The following SCFD2 variants were observed in gnomAD, a reference collection of about 807,000 sequenced individuals.
SCFD2 encodes sec1 family domain containing 2.
In SCFD2, 54 loss-of-function variants were observed where a neutral mutation model predicts 58.9. The observed-to-expected ratio is 0.92, with a 90% CI of 0.74 to 1.15. The LOEUF is 1.15. SCFD2 is among the 50% of genes most tolerant of loss of function. SCFD2 has a pLI of 0.00. For missense variants in SCFD2, 805 were observed against 836.6 expected (o/e 0.96, Z 0.47); for synonymous variants, 321 against 335.9 (o/e 0.96, Z 0.49).
chr4:52,952,165 C>A (rs1332902636), intron 5 of SCFD2, among the ~76,000 whole-genome samples: 1 of 151,274 alleles, frequency 6.6e-6, no homozygotes, highest in Non-Finnish European at 1.5e-5. Context: ...TCTACTTTCT[C>A]TCTGTTCGTC....
intron 5 of SCFD2, among the ~76,000 whole-genome samples, chr4:52,941,286 A>G (rs934580524): frequency 2.0e-5 from 3 of 152,224 alleles, no homozygotes; most frequent in African/African-American, 4.8e-5. Flanking sequence ...CTAGCTGAGG[A>G]GACAGATAAT....
At chr4:53,052,456 C>A (rs1371068616) in intron 5 of SCFD2, among the ~76,000 whole-genome samples, 5 of 152,182 alleles carry the variant, frequency 3.3e-5, no homozygotes, top group African/African-American at 9.6e-5. Context: ...AACAATCATT[C>A]ATTCACTGAT....
intron 4 of SCFD2, among the ~76,000 whole-genome samples, chr4:53,160,980 TA>T (rs1400664404): frequency 6.6e-6 from 1 of 152,166 alleles, no homozygotes; most frequent in Non-Finnish European, 1.5e-5. Flanking sequence ...GAATATTACA[TA>T]ACAATGAGAA....
chr4:53,236,253 G>A (rs1366501574), intron 4 of SCFD2, among the ~76,000 whole-genome samples: 1 of 152,060 alleles, frequency 6.6e-6, no homozygotes, highest in African/African-American at 2.4e-5. Flanking sequence ...TCTTGCCCTC[G>A]AACATCGAAC....
intron 6 of SCFD2, among the ~76,000 whole-genome samples, chr4:52,912,041 CTT>C (rs372332733): frequency 1.3e-5 from 2 of 151,224 alleles, no homozygotes; most frequent in Non-Finnish European, 1.5e-5. Flanking sequence ...AATTACCTTT[CTT>C]TTTTTTTCAA....
At chr4:52,986,230 T>G (rs543352972) in intron 5 of SCFD2, among the ~76,000 whole-genome samples, 1 of 5,722 alleles carries the variant, frequency 1.7e-4, no homozygotes, top group African/African-American at 3.0e-4. Flanking sequence ...AAGGGTAAAG[T>G]TTTTTTTTTA....
chr4:52,945,793 CT>C (rs1720410016), intron 5 of SCFD2: 1 of 152,110 alleles, frequency 6.6e-6, no homozygotes, highest in South Asian at 2.1e-4. Context: ...ATTTTACTGA[CT>C]TTAAATTCAA....
chr4:53,079,692 T>C (rs775225933), intron 5 of SCFD2, among the ~76,000 whole-genome samples: 1 of 152,202 alleles, frequency 6.6e-6, no homozygotes, highest in Non-Finnish European at 1.5e-5. Context: ...ATAATTACCA[T>C]TATATGGTTC....
chr4:53,007,337 A>AGAGAGAGAGAGG (rs1721996019), intron 5 of SCFD2, among the ~76,000 whole-genome samples: 1 of 122,130 alleles, frequency 8.2e-6, no homozygotes, highest in Non-Finnish European at 1.8e-5. Flanking sequence ...AGAGAGAGGG[A>AGAGAGAGAGAGG]GAGAGAGAGA....
chr4:53,008,973 G>GAAAAT (rs1722038373), intron 5 of SCFD2, among the ~76,000 whole-genome samples: 2 of 152,156 alleles, frequency 1.3e-5, no homozygotes, highest in Non-Finnish European at 2.9e-5. Flanking sequence ...ACAATCTAAA[G>GAAAAT]CCTGATGTGG....
intron 5 of SCFD2, among the ~76,000 whole-genome samples, chr4:52,992,706 C>T (rs1051588480): frequency 2.0e-5 from 3 of 152,148 alleles, no homozygotes; most frequent in African/African-American, 7.2e-5. Flanking sequence ...AGGAGCGTCT[C>T]CGCCCGGCCG....
chr4:53,146,446 A>G (rs1726334276), intron 4 of SCFD2, among the ~76,000 whole-genome samples: 1 of 152,208 alleles, frequency 6.6e-6, no homozygotes, highest in South Asian at 2.1e-4. Flanking sequence ...TTTATATTCA[A>G]TACAAATTGA....
At chr4:53,261,016 G>T (rs1437007693) in intron 4 of SCFD2, among the ~76,000 whole-genome samples, 4 of 152,086 alleles carry the variant, frequency 2.6e-5, no homozygotes, top group African/African-American at 9.7e-5. Flanking sequence ...GCATGTAAAG[G>T]TGTTCACAGT....
intron 5 of SCFD2, among the ~76,000 whole-genome samples, chr4:53,135,509 G>T (rs1402537694): frequency 3.3e-5 from 5 of 152,182 alleles, no homozygotes; most frequent in Non-Finnish European, 7.4e-5. Context: ...GCCGAGGTGG[G>T]CGGATCACAA....
chr4:53,127,140 T>C (rs761706400), intron 5 of SCFD2, among the ~76,000 whole-genome samples: 3 of 152,246 alleles, frequency 2.0e-5, no homozygotes, highest in Admixed American at 6.5e-5. Flanking sequence ...TAACAGCTGA[T>C]GTGATTTGTT....
At chr4:52,910,392 T>C (rs1719457572) in intron 6 of SCFD2, among the ~76,000 whole-genome samples, 1 of 152,076 alleles carries the variant, frequency 6.6e-6, no homozygotes, top group Non-Finnish European at 1.5e-5. Flanking sequence ...AGAGCCACTA[T>C]CACCATAACA....
At chr4:53,288,041 G>A (rs574984169) in intron 3 of SCFD2, among the ~76,000 whole-genome samples, 3 of 152,004 alleles carry the variant, frequency 2.0e-5, no homozygotes, top group South Asian at 2.1e-4. Flanking sequence ...GGAGTTCCAC[G>A]CCAGCCTGGG....
chr4:53,146,180 C>T lies in SCFD2; in HGVS notation c.1312-598G>A, dbSNP rs28447632. Among the ~76,000 whole-genome samples the T allele has an allele frequency of 9.7e-3, 1,469 of 152,138 alleles. 27 individuals are homozygous for T. The highest frequency in any genetic ancestry group is 0.034 in the African/African-American group (1,407 of 41,472). On this transcript the variant is annotated intron_variant, in intron 4 of 8. Coordinates refer to ENST00000401642, the MANE Select transcript of SCFD2 (RefSeq NM_152540.4). ...TTTGAGTGAGTCAGTAGATAACTCGCATTAAATTTAAAAAAATTGCCTTTA... is the reference window on the plus strand; with the variant it reads ...TTTGAGTGAGTCAGTAGATAACTCGTATTAAATTTAAAAAAATTGCCTTTA...
rs193099654 is a variant in SCFD2 at position 53,319,689 on chromosome 4, G to A, written c.1008-5926C>T. On this transcript the variant is annotated intron_variant, in intron 2 of 8. Coordinates refer to ENST00000401642, the MANE Select transcript of SCFD2 (RefSeq NM_152540.4). Reference sequence around the variant, plus strand: ...TGGGATTACAGGCATGCGCCATCTCGTCTGGTTAATTTTTGTATTTTTAGT... The same window carrying A: ...TGGGATTACAGGCATGCGCCATCTCATCTGGTTAATTTTTGTATTTTTAGT... Among the ~76,000 whole-genome samples the A allele has an allele frequency of 2.5e-3, 381 of 152,078 alleles. 5 individuals carry two copies. The highest frequency in any genetic ancestry group is 6.3e-4 in the Non-Finnish European group (43 of 67,990).
Sources: allele counts gnomAD v4.1 joint callset (sites outside exome capture counted in the v4.1 genomes callset), GRCh38; gene constraint gnomAD v4.1.1; transcripts MANE v1.5; gene names NCBI Gene and HGNC (gene_info 2026-07-23, HGNC 2026-07-21).